Variants in PRR23B observed in about 807,000 individuals in gnomAD.
PRR23B encodes the protein proline-rich protein 23B.
For missense variants in PRR23B, 375 were observed against 371.7 expected (o/e 1.01, Z -0.07); for synonymous variants, 157 against 168.0 (o/e 0.93, Z 0.51).
rs768770380 is a variant in PRR23B at position 139,020,334 on chromosome 3, C to T, written c.328G>A (p.Glu110Lys). ...GAGTCGTGCTGCGCTCCTGAGCGTT[C>T]GTCGACGGAGCTCAGGAGGACCTCT... is the stretch of plus-strand genomic sequence containing the variant. ...IPEVLLSSVD[E>K]RSGAQHDSSA... Residue 110 changes from glutamate (E) to lysine (K), a missense_variant, in exon 1 of 1, where the codon GAA becomes AAA. Physicochemically the swap from Glu to Lys is moderately conservative, Grantham distance 56. Transcript: ENST00000329447. The T allele has an allele frequency of 8.1e-6, 13 of 1,614,038 alleles. No individual in the cohort carries two copies. In the African/African-American group the frequency reaches 1.3e-4, roughly 17 times the overall value.
rs1479559948 is a variant in PRR23B at position 139,019,450 on chromosome 3, A to G, written c.*414T>C. ...GGCTAAGTCTTCCAAAATTCATGGGAAAAAAATGCAAGGTAACTAACAACG... is the reference window on the plus strand; with the variant it reads ...GGCTAAGTCTTCCAAAATTCATGGGGAAAAAATGCAAGGTAACTAACAACG... On this transcript the variant is annotated 3_prime_UTR_variant, in exon 1 of 1. Transcript: ENST00000329447. The G allele has an allele frequency of 6.3e-6, 1 of 159,784 alleles. No individual in the cohort carries two copies. The highest frequency in any genetic ancestry group is 1.4e-5 in the Non-Finnish European group (1 of 73,118). The allele number at this position is 159,784 out of a possible 1,614,324, so 9.9% of individuals were successfully genotyped here. A position where few individuals can be genotyped will look rare whatever the true frequency, so the allele number is the denominator to read the frequency against.
Position 139,019,906 on chromosome 3 carries a change from T to C in PRR23B, c.756A>G (p.Glu252=). The C allele has an allele frequency of 1.9e-6, 3 of 1,611,140 alleles. No individual in the cohort carries two copies. Among genetic ancestry groups the C allele is most frequent in the Non-Finnish European group, 2.5e-6 (3 of 1,178,854 alleles). Residue 252 remains glutamate (E), a synonymous_variant, in exon 1 of 1, where the codon GAA becomes GAG. Coordinates refer to ENST00000329447, the MANE Select transcript of PRR23B (RefSeq NM_001013650.2). The part of the protein sequence containing the change: ...PGPHARSPLP[E]RPPCKARRRL... Reference sequence around the variant, plus strand: ...GTCTCCGGGCCTTGCACGGAGGGCGTTCCGGGAGCGGCGAGCGCGCGTGGG... The same window carrying C: ...GTCTCCGGGCCTTGCACGGAGGGCGCTCCGGGAGCGGCGAGCGCGCGTGGG...
chr3:139,019,890 C>A lies in PRR23B; in HGVS notation c.772G>T (p.Ala258Ser). 2 of 1,607,302 alleles carry A rather than the reference C, an allele frequency of 1.2e-6. No homozygotes were observed. The highest frequency in any genetic ancestry group is 8.5e-7 in the Non-Finnish European group (1 of 1,177,112). ...SPLPERPPCK[A>S]RRRLFQA Reference sequence around the variant, plus strand: ...TATGCCTGGAACAGGCGTCTCCGGGCCTTGCACGGAGGGCGTTCCGGGAGC... The same window carrying A: ...TATGCCTGGAACAGGCGTCTCCGGGACTTGCACGGAGGGCGTTCCGGGAGC... Residue 258 changes from alanine to serine, a missense_variant, in exon 1 of 1, where the codon GCC becomes TCC. Physicochemically the swap from Ala to Ser is moderately conservative, Grantham distance 99. Coordinates refer to ENST00000329447, the MANE Select transcript of PRR23B (RefSeq NM_001013650.2).
rs1190885624 is a variant in PRR23B at position 139,019,759 on chromosome 3, GC to G, written c.*104del. The G allele has an allele frequency of 1.7e-6, 2 of 1,185,176 alleles. No individual in the cohort carries two copies. Among genetic ancestry groups the G allele is most frequent in the Non-Finnish European group, 2.4e-6 (2 of 849,308 alleles). 73.4% of individuals were successfully genotyped at this position (1,185,176 alleles called of 1,614,324 possible). A position where few individuals can be genotyped will look rare whatever the true frequency, so the allele number is the denominator to read the frequency against. ...AAAAGCAATTGTCCGAACACGCGGT[GC>G]CCAATTTCCAGGTTGTTGGATACTC... On this transcript the variant is annotated 3_prime_UTR_variant, in exon 1 of 1. Coordinates refer to ENST00000329447, the MANE Select transcript of PRR23B (RefSeq NM_001013650.2).
In PRR23B at chr3:139,020,419, C is replaced by T. The variant is rs748747270; in HGVS notation, c.243G>A (p.Glu81=). Residue 81 remains glutamate (E), a synonymous_variant, in exon 1 of 1, where the codon GAG becomes GAA. Transcript: ENST00000329447. ...CTCGCAGGATCGACGTTGGTGCGGG[C>T]TCCAGCACCAGGTCGACGTCGTCCA... ...VPLDDVDLVL[E]PAPTSILRVS... 1 of 1,613,720 alleles carries T rather than the reference C, an allele frequency of 6.2e-7. No individual in the cohort carries two copies. The highest frequency in any genetic ancestry group is 8.5e-7 in the Non-Finnish European group (1 of 1,179,940).
Position 139,020,442 on chromosome 3 carries a change from C to T in PRR23B, c.220G>A (p.Asp74Asn). 2.5e-6 allele frequency: 4 copies of T among 1,613,126 alleles called. No individual in the cohort carries two copies. Among genetic ancestry groups the T allele is most frequent in the Non-Finnish European group, 3.4e-6 (4 of 1,179,744 alleles). ...AAGCALRVPL[D>N]DVDLVLEPAP... ...GGCTCCAGCACCAGGTCGACGTCGT[C>T]CAGGGGCACACGCAGGGCACAGCCC... Residue 74 changes from aspartate (D) to asparagine (N), a missense_variant, in exon 1 of 1, where the codon GAC becomes AAC. By Grantham distance (23) the Asp-to-Asn change is conservative (BLOSUM62 1). Transcript: ENST00000329447.
At position 139,020,140 on chromosome 3, in the gene PRR23B, T is replaced by C. The variant is rs148472738; in HGVS notation, c.522A>G (p.Ser174=). Residue 174 remains serine (S), a synonymous_variant, in exon 1 of 1, where the codon TCA becomes TCG. Transcript: ENST00000329447. The part of the protein sequence containing the change: ...PELRMDSPTG[S]AAGLYPSSRS... ...TAGAGGAGGGGTAGAGCCCAGCGGC[T>C]GAGCCGGTTGGGGAGTCCATCCGGA... is the stretch of plus-strand genomic sequence containing the variant. 9.9e-6 allele frequency: 16 copies of C among 1,613,998 alleles called. No homozygotes were observed. The African/African-American group carries it at 2.1e-4, about 22-fold the overall frequency.
At position 139,019,826 on chromosome 3, in the gene PRR23B, A is replaced by C; in HGVS notation, c.*38T>G. The C allele has an allele frequency of 6.6e-7, 1 of 1,520,840 alleles. No homozygotes were observed. The highest frequency in any genetic ancestry group is 2.3e-5 in the East Asian group (1 of 44,126). The allele number at this position is 1,520,840 out of a possible 1,614,324, so 94.2% of individuals were successfully genotyped here. A position where few individuals can be genotyped will look rare whatever the true frequency, so the allele number is the denominator to read the frequency against. On this transcript the variant is annotated 3_prime_UTR_variant, in exon 1 of 1. Transcript: ENST00000329447. ...CGCAATCCTAGAGGGCCTCCAGCAG[A>C]GCGGCCAGGATTGTTGTGTGTACGT...
At position 139,020,338 on chromosome 3, in the gene PRR23B, G is replaced by A. The variant is rs575960779; in HGVS notation, c.324C>T (p.Val108=). The A allele has an allele frequency of 1.4e-5, 23 of 1,614,030 alleles. No individual in the cohort carries two copies. The East Asian group carries it at 4.9e-4, about 34-fold the overall frequency. The change falls in exon 1 of 1, where the codon GTC becomes GTT. Residue 108 remains valine (V), a synonymous_variant. Transcript: ENST00000329447. Reference sequence around the variant, plus strand: ...CGTGCTGCGCTCCTGAGCGTTCGTCGACGGAGCTCAGGAGGACCTCTGGGA... The same window carrying A: ...CGTGCTGCGCTCCTGAGCGTTCGTCAACGGAGCTCAGGAGGACCTCTGGGA... The part of the protein sequence containing the change: ...ILIPEVLLSS[V]DERSGAQHDS...
chr3:139,019,915 C>T lies in PRR23B; in HGVS notation c.747G>A (p.Pro249=), dbSNP rs995288668. Reference sequence around the variant, plus strand: ...CCTTGCACGGAGGGCGTTCCGGGAGCGGCGAGCGCGCGTGGGGACCTGGAC... The same window carrying T: ...CCTTGCACGGAGGGCGTTCCGGGAGTGGCGAGCGCGCGTGGGGACCTGGAC... The part of the protein sequence containing the change: ...VGSPGPHARS[P]LPERPPCKAR... The change falls in exon 1 of 1, where the codon CCG becomes CCA. Residue 249 remains proline, a synonymous_variant. Coordinates refer to ENST00000329447, the MANE Select transcript of PRR23B (RefSeq NM_001013650.2). The T allele has an allele frequency of 1.2e-6, 2 of 1,605,338 alleles. No individual in the cohort carries two copies. Among genetic ancestry groups the T allele is most frequent in the Non-Finnish European group, 1.7e-6 (2 of 1,176,414 alleles).
In PRR23B at chr3:139,020,044, T is replaced by C; in HGVS notation, c.618A>G (p.Ser206=). 1 of 1,613,992 alleles carries C rather than the reference T, an allele frequency of 6.2e-7. No homozygotes were observed. Among genetic ancestry groups the C allele is most frequent in the Non-Finnish European group, 8.5e-7 (1 of 1,179,976 alleles). Residue 206 remains serine, a synonymous_variant, in exon 1 of 1, where the codon TCA becomes TCG. Coordinates refer to ENST00000329447, the MANE Select transcript of PRR23B (RefSeq NM_001013650.2). ...AGATGGGGCGTGGAGAACGTCTCTCTGAACTGGGGTTGGGGGCCAGAGCAC... is the reference window on the plus strand; with the variant it reads ...AGATGGGGCGTGGAGAACGTCTCTCCGAACTGGGGTTGGGGGCCAGAGCAC... ...EPCALAPNPS[S]ERRSPRPIFD... is the part of the protein sequence containing the mutation.
Position 139,020,808 on chromosome 3 carries a change from G to T in PRR23B, c.-147C>A. The T allele has an allele frequency of 9.7e-7, 1 of 1,034,122 alleles. No homozygotes were observed. Among genetic ancestry groups the T allele is most frequent in the Non-Finnish European group, 1.3e-6 (1 of 744,156 alleles). The allele number at this position is 1,034,122 out of a possible 1,614,324, so 64.1% of individuals were successfully genotyped here. A position where few individuals can be genotyped will look rare whatever the true frequency, so the allele number is the denominator to read the frequency against. ...GGCGCAGGACCGCGCGACGCGGGGCGAGTCCTCGGAGCTCCCGGGGCGCCT... is the reference window on the plus strand; with the variant it reads ...GGCGCAGGACCGCGCGACGCGGGGCTAGTCCTCGGAGCTCCCGGGGCGCCT... On this transcript the variant is annotated 5_prime_UTR_variant, in exon 1 of 1. Coordinates refer to ENST00000329447, the MANE Select transcript of PRR23B (RefSeq NM_001013650.2).
chr3:139,019,931 G>C lies in PRR23B; in HGVS notation c.731C>G (p.Pro244Arg). Residue 244 changes from proline to arginine, a missense_variant, in exon 1 of 1, where the codon CCC becomes CGC. Transcript: ENST00000329447. The part of the protein sequence containing the change: ...PPSPCVGSPG[P>R]HARSPLPERP... ...TTCCGGGAGCGGCGAGCGCGCGTGG[G>C]GACCTGGACTCCCCACGCACGGAGA... The C allele has an allele frequency of 6.2e-7, 1 of 1,612,410 alleles. No individual in the cohort carries two copies. Among genetic ancestry groups the C allele is most frequent in the South Asian group, 1.1e-5 (1 of 90,808 alleles).
Position 139,020,710 on chromosome 3 carries a change from G to T in PRR23B, c.-49C>A. 6.9e-7 allele frequency: 1 copy of T among 1,447,554 alleles called. No homozygotes were observed. Among genetic ancestry groups the T allele is most frequent in the Non-Finnish European group, 9.0e-7 (1 of 1,110,544 alleles). The allele number at this position is 1,447,554 out of a possible 1,614,324, so 89.7% of individuals were successfully genotyped here. ...CGCTCCTGGGCCTAGCAGCGGACGT[G>T]GGGAGCGCGGCGGTGAAGTCCTCTT... On this transcript the variant is annotated 5_prime_UTR_variant, in exon 1 of 1. Transcript: ENST00000329447.
At position 139,019,574 on chromosome 3, in the gene PRR23B, A is replaced by T; in HGVS notation, c.*290T>A. The stretch of plus-strand genomic sequence containing the variant: ...TGAGAGAAACAACTGATGCAAAACG[A>T]GGGAGAATGAAGGGATCTGAATATG... On this transcript the variant is annotated 3_prime_UTR_variant, in exon 1 of 1. Transcript: ENST00000329447. The T allele has an allele frequency of 3.4e-6, 1 of 290,278 alleles. No homozygotes were observed. Among genetic ancestry groups the T allele is most frequent in the Non-Finnish European group, 6.4e-6 (1 of 156,918 alleles). The allele number at this position is 290,278 out of a possible 1,614,324, so 18.0% of individuals were successfully genotyped here.
In PRR23B at chr3:139,020,844, C is replaced by T. The variant is rs1936945426; in HGVS notation, c.-183G>A. On this transcript the variant is annotated 5_prime_UTR_variant, in exon 1 of 1. Transcript: ENST00000329447. ...GCTCCCGGGGCGCCTCCTGGGGGAC[C>T]GTAGTCTGGGCTGCTGGTGGTGCCT... 1.3e-6 allele frequency: 1 copy of T among 749,180 alleles called. No homozygotes were observed. The highest frequency in any genetic ancestry group is 2.0e-6 in the Non-Finnish European group (1 of 488,654). 46.4% of individuals were successfully genotyped at this position (749,180 alleles called of 1,614,324 possible). A position where few individuals can be genotyped will look rare whatever the true frequency, so the allele number is the denominator to read the frequency against.
At position 139,020,535 on chromosome 3, in the gene PRR23B, G is replaced by T. The variant is rs1936938561; in HGVS notation, c.127C>A (p.Pro43Thr). 1 of 1,560,264 alleles carries T rather than the reference G, an allele frequency of 6.4e-7. No individual in the cohort carries two copies. The highest frequency in any genetic ancestry group is 8.7e-7 in the Non-Finnish European group (1 of 1,155,964). The change falls in exon 1 of 1, where the codon CCC (proline) becomes ACC (threonine). Residue 43 changes from proline to threonine, a missense_variant. Physicochemically the swap from Pro to Thr is conservative, Grantham distance 38. Coordinates refer to ENST00000329447, the MANE Select transcript of PRR23B (RefSeq NM_001013650.2). Reference protein sequence around the residue: ...EPAGPEPRAAPSLEDPAGDPA... With the variant: ...EPAGPEPRAATSLEDPAGDPA... Reference sequence around the variant, plus strand: ...TCCCCCGCCGGGTCTTCCAGGCTGGGTGCCGCGCGGGGTTCGGGGCCCGCG... The same window carrying T: ...TCCCCCGCCGGGTCTTCCAGGCTGGTTGCCGCGCGGGGTTCGGGGCCCGCG...
chr3:139,020,253 C>G lies in PRR23B; in HGVS notation c.409G>C (p.Val137Leu). 6.2e-7 allele frequency: 1 copy of G among 1,614,066 alleles called. No individual in the cohort carries two copies. Among genetic ancestry groups the G allele is most frequent in the Non-Finnish European group, 8.5e-7 (1 of 1,180,010 alleles). The change falls in exon 1 of 1, where the codon GTC (valine) becomes CTC (leucine). Residue 137 changes from valine to leucine, a missense_variant. Val to Leu is a conservative substitution (Grantham distance 32). Transcript: ENST00000329447. Reference protein sequence around the residue: ...FLGAVREDVVVELEFCASVPE... With the variant: ...FLGAVREDVVLELEFCASVPE... ...ACAGATGCGCAGAATTCCAGCTCGACGACGACGTCCTCCCTGACAGCGCCC... is the reference window on the plus strand; with the variant it reads ...ACAGATGCGCAGAATTCCAGCTCGAGGACGACGTCCTCCCTGACAGCGCCC...
In PRR23B at chr3:139,020,671, G is replaced by A; in HGVS notation, c.-10C>T. 3.3e-6 allele frequency: 5 copies of A among 1,498,662 alleles called. No homozygotes were observed. Among genetic ancestry groups the A allele is most frequent in the Non-Finnish European group, 3.5e-6 (4 of 1,133,708 alleles). 92.8% of individuals were successfully genotyped at this position (1,498,662 alleles called of 1,614,324 possible). The stretch of plus-strand genomic sequence containing the variant: ...GGGGCCGGCTGACCATCGCCTCGAC[G>A]GCGCTGTGGACGGCGCTCCTGGGCC... On this transcript the variant is annotated 5_prime_UTR_variant, in exon 1 of 1. Transcript: ENST00000329447.
Sources: allele counts gnomAD v4.1 joint callset, GRCh38; gene constraint gnomAD v4.1.1; transcripts MANE v1.5; gene names NCBI Gene and HGNC (gene_info 2026-07-23, HGNC 2026-07-21).